The following PHF14 variants were observed in gnomAD, a reference collection of about 807,000 sequenced individuals.
PHF14 encodes the protein PHD finger protein 14.
In PHF14, 55 loss-of-function variants were observed where a neutral mutation model predicts 117.9. The observed-to-expected ratio is 0.47, with a 90% CI of 0.38 to 0.58. PHF14 has a LOEUF of 0.58. Among genes scored for constraint, PHF14 ranks in the 20% least tolerant of loss-of-function variants. The pLI is 0.00. For missense variants in PHF14, 978 were observed against 1,122.2 expected, an observed-to-expected ratio of 0.87 and a Z score of 1.84; for synonymous variants, 409 against 368.6, an observed-to-expected ratio of 1.11 and a Z score of -1.26.
At chr7:10,975,186 G>A (rs1444743811) in intron 2 of PHF14, among the ~76,000 whole-genome samples, 8 of 152,138 alleles carry the variant, frequency 5.3e-5, no homozygotes, top group African/African-American at 1.4e-4. Flanking sequence ...GATGCAAAAG[G>A]ATTTCTCTGT....
chr7:11,061,567 G>A, intron 14 of PHF14: 3 of 316,524 alleles, frequency 9.5e-6, no homozygotes, highest in Non-Finnish European at 1.7e-5. Flanking sequence ...TTATTTAAAA[G>A]TAAAGTACTA....
chr7:11,063,248 G>A, intron 16 of PHF14: 1 of 984,806 alleles, frequency 1.0e-6, no homozygotes, highest in Non-Finnish European at 1.2e-6. Context: ...GAGTGTGTTG[G>A]GAGCTATCCT....
chr7:11,039,139 T>G (rs552264159), intron 11 of PHF14, among the ~76,000 whole-genome samples: 1 of 152,310 alleles, frequency 6.6e-6, no homozygotes, highest in South Asian at 2.1e-4. Flanking sequence ...AGCTTAAGAC[T>G]TGAAGCATGA....
intron 17 of PHF14, among the ~76,000 whole-genome samples, chr7:11,147,965 A>G (rs748765556): frequency 1.3e-5 from 2 of 152,142 alleles, no homozygotes; most frequent in Non-Finnish European, 2.9e-5. Flanking sequence ...ATCACAATTT[A>G]CTTCTCCCAC....
In PHF14 at chr7:10,993,768, G is replaced by C. The variant is rs531979011; in HGVS notation, c.1045+2921G>C. 2.6e-5 allele frequency among the ~76,000 whole-genome samples: 4 copies of C among 152,340 alleles called. No individual in the cohort carries two copies. The South Asian group carries it at 8.3e-4, about 32-fold the overall frequency. On this transcript the variant is annotated intron_variant, in intron 4 of 17. Coordinates refer to ENST00000634607, the MANE Select transcript of PHF14 (RefSeq NM_001007157.2). ...CATGCCTGTAAATCCCAGCACTTTGGGAGGCCAAGGCAAGCGGATCACCTG... is the reference window on the plus strand; with the variant it reads ...CATGCCTGTAAATCCCAGCACTTTGCGAGGCCAAGGCAAGCGGATCACCTG...
intron 14 of PHF14, among the ~76,000 whole-genome samples, chr7:11,054,442 G>A (rs1460338463): frequency 6.6e-6 from 1 of 152,010 alleles, no homozygotes; most frequent in African/African-American, 2.4e-5. Context: ...CAATTGGTGC[G>A]AGGTATCATA....
intron 16 of PHF14, among the ~76,000 whole-genome samples, chr7:11,096,709 A>G (rs975005323): frequency 2.6e-5 from 4 of 152,194 alleles, no homozygotes; most frequent in African/African-American, 9.6e-5. Context: ...GTTTGGATAT[A>G]TCGAGTTTTT....
At chr7:11,168,145 AAATG>A (rs367931871) in intron 17 of PHF14, among the ~76,000 whole-genome samples, 166 of 152,334 alleles carry the variant, frequency 1.1e-3, no homozygotes, top group African/African-American at 3.9e-3. Context: ...AATAAGGAAA[AAATG>A]AAATGACAAA....
intron 17 of PHF14, among the ~76,000 whole-genome samples, chr7:11,165,969 C>G (rs1207247197): frequency 2.6e-5 from 4 of 152,178 alleles, no homozygotes; most frequent in African/African-American, 9.7e-5. Flanking sequence ...AATTACCATT[C>G]TCACTACAAT....
intron 13 of PHF14, among the ~76,000 whole-genome samples, chr7:11,044,673 A>G (rs558127983): frequency 6.6e-6 from 1 of 152,178 alleles, no homozygotes; most frequent in Non-Finnish European, 1.5e-5. Context: ...TTGAAGTTAT[A>G]CTAAAGATAA....
At chr7:11,107,420 A>T in intron 16 of PHF14, 1 of 832,328 alleles carries the variant, frequency 1.2e-6, no homozygotes, top group Non-Finnish European at 1.4e-6. Flanking sequence ...TGTTATTTAC[A>T]TCTATATCTG....
chr7:10,975,264 A>G (rs1191171137), intron 2 of PHF14, among the ~76,000 whole-genome samples: 1 of 152,230 alleles, frequency 6.6e-6, no homozygotes, highest in Non-Finnish European at 1.5e-5. Context: ...CCGAAGTAGA[A>G]AAGTATCCTG....
intron 4 of PHF14, among the ~76,000 whole-genome samples, chr7:11,000,379 GT>G (rs1186875776): frequency 2.0e-5 from 2 of 100,976 alleles, no homozygotes; most frequent in Admixed American, 3.2e-4. Flanking sequence ...TTGCTCTGTT[GT>G]TCTGGCTGGA....
At chr7:11,042,569 G>A (rs1411332379) in intron 12 of PHF14, 114 bp from the exon 13 acceptor site, 2 of 651,324 alleles carry the variant, frequency 3.1e-6, no homozygotes, top group Non-Finnish European at 5.0e-6. Context: ...CTCAACAGAA[G>A]AAATAGTAAG....
chr7:11,018,921 C>T (rs1053591879), intron 5 of PHF14, among the ~76,000 whole-genome samples: 5 of 151,774 alleles, frequency 3.3e-5, no homozygotes, highest in African/African-American at 7.3e-5. Context: ...TCTTTCTATC[C>T]CGTTTTTGGG....
Position 11,137,131 on chromosome 7 carries a change from C to T in PHF14, c.2772+25664C>T, listed in dbSNP as rs576194572. On this transcript the variant is annotated intron_variant, in intron 17 of 17. Coordinates refer to ENST00000634607, the MANE Select transcript of PHF14 (RefSeq NM_001007157.2). ...AAATTTTATTCTTAAGATTTAATCT[C>T]TCAGGTTTTCTTGGGTATCACACAA... 3.9e-5 allele frequency among the ~76,000 whole-genome samples: 6 copies of T among 152,314 alleles called. No individual in the cohort carries two copies. The East Asian group carries it at 1.2e-3, about 29-fold the overall frequency.
intron 4 of PHF14, among the ~76,000 whole-genome samples, chr7:11,001,557 G>T (rs1782875566): frequency 6.6e-6 from 1 of 151,964 alleles, no homozygotes; most frequent in Non-Finnish European, 1.5e-5. Context: ...TTAGTTCTTT[G>T]ATTTCTTTCA....
intron 4 of PHF14, among the ~76,000 whole-genome samples, chr7:11,011,505 C>T (rs779843358): frequency 6.6e-6 from 1 of 151,670 alleles, no homozygotes; most frequent in Admixed American, 6.6e-5. Flanking sequence ...ACTTTGGATG[C>T]CCCTTAGAAC....
intron 4 of PHF14, among the ~76,000 whole-genome samples, chr7:11,009,241 A>T (rs1262160570): frequency 6.6e-6 from 1 of 152,184 alleles, no homozygotes; most frequent in Admixed American, 6.5e-5. Flanking sequence ...GGTTTGTTCA[A>T]AGTTACACAG....
Sources: allele counts gnomAD v4.1 joint callset (sites outside exome capture counted in the v4.1 genomes callset), GRCh38; gene constraint gnomAD v4.1.1; transcripts MANE v1.5; gene names NCBI Gene and HGNC (gene_info 2026-07-23, HGNC 2026-07-21).